Variants in ATF7 observed in about 807,000 individuals in gnomAD.
ATF7 encodes cyclic AMP-dependent transcription factor ATF-7.
ATF7 carries 10 observed loss-of-function variants against 50.4 expected under a neutral mutation model. The observed-to-expected ratio is 0.20, with a 90% CI of 0.12 to 0.34. ATF7 has a LOEUF of 0.34. Among genes scored for constraint, ATF7 ranks in the 10% least tolerant of loss-of-function variants. The pLI is 1.00. For missense variants in ATF7, 465 were observed against 613.9 expected, an observed-to-expected ratio of 0.76 and a Z score of 2.56; for synonymous variants, 201 against 226.4, an observed-to-expected ratio of 0.89 and a Z score of 1.01.
intron 1 of ATF7, among the ~76,000 whole-genome samples, chr12:53,613,365 T>C (rs1346773952): frequency 6.6e-6 from 1 of 152,224 alleles, no homozygotes; most frequent in Non-Finnish European, 1.5e-5. Flanking sequence ...AAATTCTTTT[T>C]AAACAAAATA....
chr12:53,563,613 TCAAA>T (rs1941278840), intron 2 of ATF7, among the ~76,000 whole-genome samples: 1 of 152,250 alleles, frequency 6.6e-6, no homozygotes, highest in Non-Finnish European at 1.5e-5. Context: ...CAAGGATGTC[TCAAA>T]CAAAGTAGAC....
chr12:53,609,821 C>CTTTTTTTT (rs757421100), intron 1 of ATF7, among the ~76,000 whole-genome samples: 8 of 115,940 alleles, frequency 6.9e-5, no homozygotes, highest in East Asian at 3.5e-4. Context: ...AAATGTTATG[C>CTTTTTTTT]TTTTTTTTTT....
rs768926362 is a variant in ATF7, at chr12:53,514,125, C to T, written c.*3012G>A. 5 of 152,020 alleles carry T rather than the reference C, an allele frequency of 3.3e-5. No homozygotes were observed. The highest frequency in any genetic ancestry group is 6.6e-5 in the Admixed American group (1 of 15,246). The allele number at this position is 152,020 out of a possible 1,614,324, so 9.4% of individuals were successfully genotyped here. On this transcript the variant is annotated 3_prime_UTR_variant, in exon 12 of 12. Transcript: ENST00000420353. The stretch of plus-strand genomic sequence containing the variant: ...TGGGAGGCTTTCTTAGACTTTTCAA[C>T]TCTAAGCAAACTTTCTGTTAGGGGA...
intron 2 of ATF7, among the ~76,000 whole-genome samples, chr12:53,595,625 G>A (rs890660592): frequency 3.9e-5 from 6 of 152,186 alleles, no homozygotes; most frequent in Non-Finnish European, 5.9e-5. Context: ...AATGTTCATG[G>A]AGGCAGAGGA....
chr12:53,550,112 CAGG>C (rs1330592146), intron 3 of ATF7, among the ~76,000 whole-genome samples: 1 of 151,852 alleles, frequency 6.6e-6, no homozygotes, highest in Admixed American at 6.6e-5. Context: ...CATTCGAGGC[CAGG>C]AGTTCAAGAC....
In ATF7 at chr12:53,600,991, C is replaced by T. The variant is rs372629058; in HGVS notation, c.10G>A (p.Asp4Asn). The T allele has an allele frequency of 6.2e-6, 10 of 1,612,340 alleles. No individual in the cohort carries two copies. Among genetic ancestry groups the T allele is most frequent in the African/African-American group, 1.3e-5 (1 of 74,610 alleles). ...GGGGCATTGCACACAAACGGTCTGTCGTCTCCCATATTTCATATAGCAGAG... is the reference window on the plus strand; with the variant it reads ...GGGGCATTGCACACAAACGGTCTGTTGTCTCCCATATTTCATATAGCAGAG... MGDDRPFVCNAPGC... is the reference protein window; with the variant it reads MGDNRPFVCNAPGC... Residue 4 changes from aspartate (D) to asparagine (N), a missense_variant, in exon 2 of 12, where the codon GAC (aspartate) becomes AAC (asparagine). By Grantham distance (23) the Asp-to-Asn change is conservative. Transcript: ENST00000420353.
Position 53,516,598 on chromosome 12 carries a change from G to A in ATF7, c.*539C>T, listed in dbSNP as rs932455529. The A allele has an allele frequency of 1.3e-5, 2 of 156,638 alleles. No individual in the cohort carries two copies. The highest frequency in any genetic ancestry group is 4.8e-5 in the African/African-American group (2 of 41,498). The allele number at this position is 156,638 out of a possible 1,614,324, so 9.7% of individuals were successfully genotyped here. ...GAATGTTTTAACTAGAATTAAGGAA[G>A]AGGAAAAAGGAAACGGGTAAATAAG... On this transcript the variant is annotated 3_prime_UTR_variant, in exon 12 of 12. Coordinates refer to ENST00000420353, the MANE Select transcript of ATF7 (RefSeq NM_006856.3).
At chr12:53,529,688 T>C (rs1481079109) in intron 9 of ATF7, among the ~76,000 whole-genome samples, 3 of 132,020 alleles carry the variant, frequency 2.3e-5, no homozygotes, top group African/African-American at 9.1e-5. Flanking sequence ...CACATATATA[T>C]AAATACATAT....
intron 2 of ATF7, among the ~76,000 whole-genome samples, chr12:53,557,327 G>A (rs137927758): frequency 2.0e-5 from 3 of 151,762 alleles, no homozygotes; most frequent in East Asian, 1.9e-4. Context: ...CCAGCCTCCC[G>A]AGTAGCTGGG....
At chr12:53,605,709 A>C (rs1943572944) in intron 1 of ATF7, among the ~76,000 whole-genome samples, 1 of 152,208 alleles carries the variant, frequency 6.6e-6, no homozygotes, top group South Asian at 2.1e-4. Flanking sequence ...TGTGTTAGTG[A>C]CTGGGTGAGG....
At chr12:53,574,875 G>C in intron 2 of ATF7, 2 of 353,722 alleles carry the variant, frequency 5.7e-6, no homozygotes, top group South Asian at 2.6e-5. Context: ...TCAAGATGGG[G>C]AGCATTCAAG....
At chr12:53,616,424 T>A (rs888972767) in intron 1 of ATF7, among the ~76,000 whole-genome samples, 3 of 151,962 alleles carry the variant, frequency 2.0e-5, no homozygotes, top group Admixed American at 2.0e-4. Context: ...GGTCTCCCTG[T>A]GTTGCTCAGG....
intron 1 of ATF7, among the ~76,000 whole-genome samples, chr12:53,617,419 C>T (rs1944184768): frequency 1.3e-5 from 2 of 152,088 alleles, no homozygotes; most frequent in African/African-American, 4.8e-5. Flanking sequence ...TTTGAGGTCA[C>T]GGGTGCGAGA....
Position 53,584,035 on chromosome 12 carries a change from A to C in ATF7, c.48+16918T>G, listed in dbSNP as rs553520146. The stretch of plus-strand genomic sequence containing the variant: ...CACTCTGTCACCCAGGCTGGAGTAC[A>C]GTGGCGTGATCTTGGCTCACTGCAA... On this transcript the variant is annotated intron_variant, in intron 2 of 11. Transcript: ENST00000420353. 1.3e-3 allele frequency among the ~76,000 whole-genome samples: 201 copies of C among 152,308 alleles called. 3 individuals carry two copies. Among genetic ancestry groups the C allele is most frequent in the Non-Finnish European group, 2.1e-4 (14 of 68,016 alleles).
At chr12:53,577,248 G>GT (rs2137668813) in intron 2 of ATF7, among the ~76,000 whole-genome samples, 1 of 151,974 alleles carries the variant, frequency 6.6e-6, no homozygotes, top group East Asian at 1.9e-4. Flanking sequence ...TAGTGACATA[G>GT]TAAGACACTG....
At chr12:53,622,645 TG>T (rs1944437087) in intron 1 of ATF7, among the ~76,000 whole-genome samples, 1 of 135,168 alleles carries the variant, frequency 7.4e-6, no homozygotes, top group Non-Finnish European at 1.6e-5. Context: ...AGTGCGAAAT[TG>T]CGTCTCAAAA....
chr12:53,530,933 G>GT (rs1938833798), intron 9 of ATF7, among the ~76,000 whole-genome samples: 1 of 152,026 alleles, frequency 6.6e-6, no homozygotes, highest in South Asian at 2.1e-4. Context: ...TCTTAACACT[G>GT]TAACATCACA....
intron 9 of ATF7, among the ~76,000 whole-genome samples, chr12:53,525,985 C>T (rs562689099): frequency 3.3e-5 from 5 of 151,788 alleles, no homozygotes; most frequent in East Asian, 1.9e-4. Flanking sequence ...CTGAGGCAGG[C>T]GGATCACTTG....
intron 1 of ATF7, among the ~76,000 whole-genome samples, chr12:53,607,595 T>C (rs554159034): frequency 1.2e-4 from 18 of 151,744 alleles, no homozygotes; most frequent in African/African-American, 4.1e-4. Context: ...CTTTAAGTTA[T>C]AAAAGAATAA....
Sources: allele counts gnomAD v4.1 joint callset (sites outside exome capture counted in the v4.1 genomes callset), GRCh38; gene constraint gnomAD v4.1.1; transcripts MANE v1.5; gene names NCBI Gene and HGNC (gene_info 2026-07-23, HGNC 2026-07-21).